The following ACVR1 variants were observed in gnomAD, a reference collection of about 807,000 sequenced individuals.
ACVR1 encodes the protein activin A receptor type 1, also known as activin receptor type-1.
In ACVR1, 38 loss-of-function variants were observed where a neutral mutation model predicts 57.1. The ratio of observed to expected loss-of-function variants is 0.67; its 90% confidence interval spans 0.51 to 0.87. The LOEUF (loss-of-function observed/expected upper bound fraction) is 0.87. Ranked by LOEUF, ACVR1 falls within the 40% of genes least tolerant of loss-of-function variation. The pLI, the probability that ACVR1 is intolerant of heterozygous loss-of-function variation, is 0.00. For synonymous variants in ACVR1, 212 were observed against 228.1 expected, an observed-to-expected ratio of 0.93 and a Z score of 0.63; for missense variants, 463 against 638.2, an observed-to-expected ratio of 0.73 and a Z score of 2.96.
intron 4 of ACVR1, among the ~76,000 whole-genome samples, chr2:157,779,878 G>A (rs137875601): frequency 1.3e-5 from 2 of 152,286 alleles, no homozygotes; most frequent in African/African-American, 2.4e-5. Context: ...AGAGGTCAGT[G>A]AGCCTTCTTT....
At chr2:157,756,973 T>TTA (rs529691149) in intron 9 of ACVR1, among the ~76,000 whole-genome samples, 3,542 of 143,138 alleles carry the variant, frequency 0.025, 155 homozygotes, top group African/African-American at 0.086. Flanking sequence ...TTATATATAT[T>TTA]TATATATATA....
At chr2:157,827,340 A>AG (rs1484632316) in intron 1 of ACVR1, among the ~76,000 whole-genome samples, 1 of 152,234 alleles carries the variant, frequency 6.6e-6, no homozygotes, top group African/African-American at 2.4e-5. Context: ...AAGCAAAAAA[A>AG]CAAAAGAAAA....
At chr2:157,864,898 G>C (rs1209492515) in intron 1 of ACVR1, among the ~76,000 whole-genome samples, 1 of 150,496 alleles carries the variant, frequency 6.6e-6, no homozygotes, top group Non-Finnish European at 1.5e-5. Context: ...ATAAAAAGCT[G>C]ACTATATGAG....
intron 1 of ACVR1, among the ~76,000 whole-genome samples, chr2:157,822,550 A>G (rs900387784): frequency 6.6e-6 from 1 of 152,248 alleles, no homozygotes; most frequent in African/African-American, 2.4e-5. Context: ...TTATTTGGAT[A>G]TCCAAAAACA....
chr2:157,810,228 T>C (rs900072769), intron 2 of ACVR1, among the ~76,000 whole-genome samples: 3 of 152,162 alleles, frequency 2.0e-5, no homozygotes, highest in African/African-American at 2.4e-5. Context: ...CTTCCAATAG[T>C]CCAAAAGTAT....
intron 1 of ACVR1, among the ~76,000 whole-genome samples, chr2:157,820,296 G>A (rs749355035): frequency 7.9e-5 from 12 of 152,148 alleles, no homozygotes; most frequent in Non-Finnish European, 1.5e-4. Flanking sequence ...ACTCGCACCC[G>A]CAAACCCTTG....
At chr2:157,788,842 G>C (rs534562559) in intron 3 of ACVR1, among the ~76,000 whole-genome samples, 1 of 152,042 alleles carries the variant, frequency 6.6e-6, no homozygotes, top group South Asian at 2.1e-4. Flanking sequence ...CCAAGCCTCT[G>C]ATAATGCTAC....
chr2:157,828,805 C>T (rs1047640700), intron 1 of ACVR1, among the ~76,000 whole-genome samples: 2 of 152,108 alleles, frequency 1.3e-5, no homozygotes, highest in Non-Finnish European at 2.9e-5. Flanking sequence ...CTCACTCTGT[C>T]GCCCAGGCTA....
At chr2:157,859,114 G>A (rs755310577) in intron 1 of ACVR1, among the ~76,000 whole-genome samples, 19 of 152,296 alleles carry the variant, frequency 1.2e-4, no homozygotes, top group Middle Eastern at 6.8e-3. Context: ...GCTGCATTCC[G>A]AGACAGTTAG....
At chr2:157,865,099 GAAA>G (rs59833492) in intron 1 of ACVR1, among the ~76,000 whole-genome samples, 13 of 113,870 alleles carry the variant, frequency 1.1e-4, no homozygotes, top group Non-Finnish European at 1.6e-4. Flanking sequence ...ACTTACACAG[GAAA>G]AAAAAAAAAA....
At chr2:157,740,542 A>G (rs1014258399) in intron 9 of ACVR1, among the ~76,000 whole-genome samples, 3 of 152,224 alleles carry the variant, frequency 2.0e-5, no homozygotes, top group Admixed American at 6.5e-5. Flanking sequence ...AATTTTTCTG[A>G]AAGAGAATAT....
intron 1 of ACVR1, among the ~76,000 whole-genome samples, chr2:157,843,897 TAA>T (rs560251044): frequency 2.4e-3 from 360 of 152,240 alleles, no homozygotes; most frequent in African/African-American, 8.3e-3. Flanking sequence ...GAGCAGTACT[TAA>T]ACTTTAATGG....
intron 3 of ACVR1, among the ~76,000 whole-genome samples, chr2:157,787,264 C>T (rs1686747077): frequency 6.6e-6 from 1 of 152,008 alleles, no homozygotes; most frequent in African/African-American, 2.4e-5. Context: ...GTTGCAAAGA[C>T]TTGGCTTTAA....
chr2:157,830,477 C>G (rs879180383), intron 1 of ACVR1, among the ~76,000 whole-genome samples: 3 of 152,122 alleles, frequency 2.0e-5, no homozygotes, highest in African/African-American at 7.2e-5. Flanking sequence ...GAACTACCAA[C>G]GTTTCTGATT....
At chr2:157,858,456 T>C (rs945601464) in intron 1 of ACVR1, among the ~76,000 whole-genome samples, 4 of 152,072 alleles carry the variant, frequency 2.6e-5, no homozygotes, top group African/African-American at 9.7e-5. Flanking sequence ...ATTAAATATA[T>C]TAATTGTTTT....
At chr2:157,794,617 A>G (rs1687036406) in intron 3 of ACVR1, among the ~76,000 whole-genome samples, 1 of 152,216 alleles carries the variant, frequency 6.6e-6, no homozygotes, top group Non-Finnish European at 1.5e-5. Flanking sequence ...TGTAACCTTA[A>G]GCAAGAGCTT....
At chr2:157,792,029 T>C (rs766161777) in intron 3 of ACVR1, among the ~76,000 whole-genome samples, 7 of 152,144 alleles carry the variant, frequency 4.6e-5, no homozygotes, top group Non-Finnish European at 8.8e-5. Flanking sequence ...ACTAATTTGG[T>C]GTAGGTACCA....
In ACVR1 at chr2:157,774,080, A is replaced by AG; in HGVS notation, c.643+7dup. The stretch of plus-strand genomic sequence containing the variant: ...ATTACCCACAAAGAAAGGAAAAAAA[A>AG]GAATTACCGACACACTCCAACAGTG... On this transcript the variant is annotated splice_region_variant and intron_variant, in intron 6 of 10. Coordinates refer to ENST00000434821, the MANE Select transcript of ACVR1 (RefSeq NM_001111067.4). 3.1e-6 allele frequency: 5 copies of AG among 1,612,504 alleles called. No homozygotes were observed. Among genetic ancestry groups the AG allele is most frequent in the Non-Finnish European group, 3.4e-6 (4 of 1,178,620 alleles).
Position 157,837,314 on chromosome 2 carries a change from AG to A in ACVR1, c.-182-18756del, listed in dbSNP as rs892191408. On this transcript the variant is annotated intron_variant, in intron 1 of 10. Transcript: ENST00000434821. Reference sequence around the variant, plus strand: ...AGATCGAAGGATTTACCTGACCATGAGGCAGTAAGTTCCCAAAGTCAGGTCT... The same window carrying A: ...AGATCGAAGGATTTACCTGACCATGAGCAGTAAGTTCCCAAAGTCAGGTCT... 9.9e-5 allele frequency among the ~76,000 whole-genome samples: 15 copies of A among 152,258 alleles called. 1 individual carries two copies. Among genetic ancestry groups the A allele is most frequent in the Admixed American group, 7.8e-4 (12 of 15,298 alleles).
Sources: allele counts gnomAD v4.1 joint callset (sites outside exome capture counted in the v4.1 genomes callset), GRCh38; gene constraint gnomAD v4.1.1; transcripts MANE v1.5; gene names NCBI Gene and HGNC (gene_info 2026-07-23, HGNC 2026-07-21).